Variants in CDH20 observed in about 807,000 individuals in gnomAD.
CDH20 encodes the protein cadherin 20.
In CDH20, 29 loss-of-function variants were observed where a neutral mutation model predicts 74.2. The ratio of observed to expected loss-of-function variants is 0.39; its 90% CI spans 0.29 to 0.53. The LOEUF (loss-of-function observed/expected upper bound fraction) is 0.53. Ranked by LOEUF, CDH20 falls within the 20% of genes least tolerant of loss-of-function variation. The pLI is 0.69. For synonymous variants in CDH20, 469 were observed against 405.4 expected (o/e 1.16, Z -1.88); for missense variants, 988 against 1,048.3 (o/e 0.94, Z 0.79).
intron 1 of CDH20, among the ~76,000 whole-genome samples, chr18:61,374,277 C>T (rs1911138357): frequency 1.3e-5 from 2 of 152,098 alleles, no homozygotes; most frequent in Non-Finnish European, 2.9e-5. Flanking sequence ...GCATAACTAA[C>T]TACACCTACC....
intron 1 of CDH20, among the ~76,000 whole-genome samples, chr18:61,479,308 C>A (rs1790692373): frequency 6.6e-6 from 1 of 152,008 alleles, no homozygotes; most frequent in Admixed American, 6.5e-5. Context: ...AAAAGGTAAA[C>A]CCCAAAGTTA....
chr18:61,339,046 T>C (rs1445316373), intron 1 of CDH20, among the ~76,000 whole-genome samples: 1 of 152,198 alleles, frequency 6.6e-6, no homozygotes, highest in Non-Finnish European at 1.5e-5. Context: ...CTTGTTACTT[T>C]GAATTATTTC....
intron 1 of CDH20, among the ~76,000 whole-genome samples, chr18:61,423,874 T>C (rs954637768): frequency 1.3e-5 from 2 of 152,234 alleles, no homozygotes; most frequent in Non-Finnish European, 2.9e-5. Flanking sequence ...TTAAAGAGTA[T>C]AGCATATGCA....
chr18:61,483,764 T>C (rs897530437), intron 1 of CDH20, among the ~76,000 whole-genome samples: 1 of 152,220 alleles, frequency 6.6e-6, no homozygotes, highest in African/African-American at 2.4e-5. Flanking sequence ...TATATACTTT[T>C]TTCTCACTTA....
At chr18:61,446,694 C>G (rs1468499552) in intron 1 of CDH20, among the ~76,000 whole-genome samples, 1 of 152,124 alleles carries the variant, frequency 6.6e-6, no homozygotes, top group Non-Finnish European at 1.5e-5. Flanking sequence ...TCTCATTTCT[C>G]ATTCTTTTTG....
chr18:61,351,704 G>A (rs887175250), intron 1 of CDH20, among the ~76,000 whole-genome samples: 3 of 151,856 alleles, frequency 2.0e-5, no homozygotes, highest in African/African-American at 7.3e-5. Context: ...CCTTTGGGAT[G>A]CCTAAATCTG....
intron 1 of CDH20, among the ~76,000 whole-genome samples, chr18:61,393,129 TTTC>T (rs1465945327): frequency 1.3e-5 from 2 of 152,232 alleles, no homozygotes; most frequent in Admixed American, 6.5e-5. Flanking sequence ...TGATTCCAGA[TTTC>T]TTCTTCTTAC....
chr18:61,480,095 G>T (rs980598831), intron 1 of CDH20, among the ~76,000 whole-genome samples: 3 of 152,212 alleles, frequency 2.0e-5, no homozygotes, highest in Non-Finnish European at 4.4e-5. Context: ...GAGATTACAG[G>T]TTCAAGGAAA....
rs1361351598 is a variant in CDH20 at position 61,545,155 on chromosome 18, G to A, written c.1648+11G>A. The A allele has an allele frequency of 6.4e-7, 1 of 1,551,352 alleles. No homozygotes were observed. On this transcript the variant is annotated intron_variant, in intron 10 of 11. Transcript: ENST00000262717. ...TAAGGGACAACCAAGGTAATCAGGT[G>A]GATGGTTGGCTATCTGTGCTTTTCT... is the stretch of plus-strand genomic sequence containing the variant.
chr18:61,419,934 GC>G (rs1432220915), intron 1 of CDH20, among the ~76,000 whole-genome samples: 1 of 151,970 alleles, frequency 6.6e-6, no homozygotes, highest in Admixed American at 6.6e-5. Context: ...GAGCTTTTCT[GC>G]CCTCCCCCAC....
chr18:61,538,637 G>A (rs1413796113), intron 8 of CDH20, among the ~76,000 whole-genome samples: 2 of 10,554 alleles, frequency 1.9e-4, no homozygotes, highest in Non-Finnish European at 5.4e-4. Flanking sequence ...TTTTTTTTTT[G>A]AGACGGAGTC....
chr18:61,527,376 T>TAGATAGATAGATAGATGATAGATAGAC (rs1912457643), intron 6 of CDH20, among the ~76,000 whole-genome samples: 1 of 145,300 alleles, frequency 6.9e-6, no homozygotes, highest in Non-Finnish European at 1.5e-5. Flanking sequence ...AATAGATAGA[T>TAGATAGATAGATAGATGATAGATAGAC]AGATAGATAG....
At chr18:61,511,976 C>T (rs111848557) in intron 6 of CDH20, among the ~76,000 whole-genome samples, 12 of 152,312 alleles carry the variant, frequency 7.9e-5, no homozygotes, top group Admixed American at 2.6e-4. Flanking sequence ...GCTCAGTCTA[C>T]GCCTTTGCAA....
chr18:61,393,422 T>C (rs1273683230), intron 1 of CDH20, among the ~76,000 whole-genome samples: 1 of 152,186 alleles, frequency 6.6e-6, no homozygotes, highest in Non-Finnish European at 1.5e-5. Context: ...AATCCAGGCC[T>C]TTGCATAGAG....
intron 1 of CDH20, among the ~76,000 whole-genome samples, chr18:61,341,055 G>T (rs1909931082): frequency 6.6e-6 from 1 of 152,176 alleles, no homozygotes; most frequent in South Asian, 2.1e-4. Flanking sequence ...ACTGTTGAAG[G>T]TCAGAGAAGG....
intron 1 of CDH20, among the ~76,000 whole-genome samples, chr18:61,423,631 T>A (rs923443906): frequency 6.6e-6 from 1 of 152,134 alleles, no homozygotes; most frequent in Admixed American, 6.5e-5. Flanking sequence ...CATCTAGCAG[T>A]AAAAGCCACT....
intron 1 of CDH20, among the ~76,000 whole-genome samples, chr18:61,339,277 A>C (rs543505767): frequency 1.7e-4 from 26 of 152,242 alleles, no homozygotes; most frequent in African/African-American, 5.8e-4. Flanking sequence ...ATTTACCAGT[A>C]GTAACATAAT....
At chr18:61,474,347 G>T (rs551722656) in intron 1 of CDH20, among the ~76,000 whole-genome samples, 33 of 152,264 alleles carry the variant, frequency 2.2e-4, no homozygotes, top group African/African-American at 7.2e-4. Context: ...TCATTATTAA[G>T]CTGCACTTTG....
At chr18:61,456,263 A>G (rs557224030) in intron 1 of CDH20, among the ~76,000 whole-genome samples, 1 of 152,302 alleles carries the variant, frequency 6.6e-6, no homozygotes. Context: ...TCTTTCAGTT[A>G]TCAAATGCAA....
Sources: gnomAD v4.1 joint callset for allele counts (sites outside exome capture counted in the v4.1 genomes callset) on GRCh38, gnomAD v4.1.1 for gene constraint, MANE v1.5 for transcripts, NCBI Gene and HGNC (gene_info 2026-07-23, HGNC 2026-07-21) for gene names.